Variants in GLIS3 observed in about 807,000 individuals in gnomAD.
The protein encoded by GLIS3 is GLIS family zinc finger 3.
GLIS3 carries 53 observed loss-of-function variants against 78.6 expected under a neutral mutation model. The observed-to-expected ratio is 0.67, with a 90% CI of 0.54 to 0.85. The LOEUF (loss-of-function observed/expected upper bound fraction) is 0.85. GLIS3 is among the 40% of genes least tolerant of loss of function. The pLI, the probability that GLIS3 is intolerant of heterozygous loss-of-function variation, is 0.00. For synonymous variants in GLIS3, 684 were observed against 509.9 expected (o/e 1.34, Z -4.60); for missense variants, 1,703 against 1,231.1 (o/e 1.38, Z -5.74).
In GLIS3 at chr9:3,937,254, C is replaced by CA. The variant is rs1554650589; in HGVS notation, c.1711-66_1711-65insT. ...TTGAATGTTTGAGTCTGGGGGACAG[C>CA]TAAAAAAAAAATGTTCTTAGTTGGT... On this transcript the variant is annotated intron_variant, in intron 4 of 10. Coordinates refer to ENST00000381971, the MANE Select transcript of GLIS3 (RefSeq NM_001042413.2). 3.1e-3 allele frequency: 4,298 copies of CA among 1,375,424 alleles called. 3 individuals are homozygous for CA. Among genetic ancestry groups the CA allele is most frequent in the African/African-American group, 0.012 (750 of 64,398 alleles). 85.2% of individuals were successfully genotyped at this position (1,375,424 alleles called of 1,614,324 possible).
chr9:4,072,897 C>T (rs1827728747), intron 4 of GLIS3, among the ~76,000 whole-genome samples: 1 of 152,038 alleles, frequency 6.6e-6, no homozygotes, highest in Non-Finnish European at 1.5e-5. Flanking sequence ...CGTACAGCCC[C>T]AAATCGAACT....
the GLIS3 span, among the ~76,000 whole-genome samples, chr9:4,403,866 C>A: frequency 2.6e-5 from 4 of 151,758 alleles, no homozygotes; most frequent in East Asian, 7.7e-4. Flanking sequence ...GGAGTAAGTC[C>A]CTACTTATCA....
intron 4 of GLIS3, among the ~76,000 whole-genome samples, chr9:4,029,024 G>C (rs550414892): frequency 6.6e-6 from 1 of 152,108 alleles, no homozygotes; most frequent in Admixed American, 6.6e-5. Context: ...CCAAGATGAT[G>C]ATGAAGAAGG....
chr9:4,370,381 T>TA, the GLIS3 span, among the ~76,000 whole-genome samples: 8 of 152,070 alleles, frequency 5.3e-5, no homozygotes, highest in Admixed American at 1.3e-4. Context: ...CATGGGGTGT[T>TA]GCCTTGTCTC....
the GLIS3 span, among the ~76,000 whole-genome samples, chr9:4,411,642 G>T: frequency 2.0e-5 from 3 of 152,018 alleles, no homozygotes; most frequent in African/African-American, 7.2e-5. Flanking sequence ...CCATATTTTT[G>T]ATTTATGGTG....
intron 2 of GLIS3, among the ~76,000 whole-genome samples, chr9:4,315,999 T>C (rs928073771): frequency 3.9e-5 from 6 of 152,226 alleles, no homozygotes; most frequent in Admixed American, 2.0e-4. Context: ...TTACATATTG[T>C]ATTTTTAAAA....
intron 4 of GLIS3, among the ~76,000 whole-genome samples, chr9:4,056,635 A>G (rs1433067970): frequency 6.6e-6 from 1 of 152,134 alleles, no homozygotes; most frequent in Non-Finnish European, 1.5e-5. Context: ...GAGGTGAGAG[A>G]CGGGATATGA....
chr9:4,176,163 T>A (rs919142762), intron 2 of GLIS3, among the ~76,000 whole-genome samples: 1 of 152,132 alleles, frequency 6.6e-6, no homozygotes, highest in Non-Finnish European at 1.5e-5. Context: ...AATCAAGATC[T>A]GGTGGCACTT....
At chr9:4,284,231 G>C (rs1827793803) in intron 2 of GLIS3, among the ~76,000 whole-genome samples, 1 of 152,172 alleles carries the variant, frequency 6.6e-6, no homozygotes, top group African/African-American at 2.4e-5. Flanking sequence ...GAATAACTGA[G>C]ACTACGTATT....
the GLIS3 span, among the ~76,000 whole-genome samples, chr9:4,424,388 C>A: frequency 6.6e-6 from 1 of 152,154 alleles, no homozygotes; most frequent in Non-Finnish European, 1.5e-5. Flanking sequence ...TGAATCTCTG[C>A]CTCTTTAATT....
the GLIS3 span, among the ~76,000 whole-genome samples, chr9:4,448,876 C>A: frequency 1.1e-4 from 16 of 152,196 alleles, no homozygotes; most frequent in Non-Finnish European, 1.5e-5. Context: ...ATAGGAATAG[C>A]TCCAGTCTGC....
chr9:3,867,938 G>C (rs1369393662), intron 8 of GLIS3, among the ~76,000 whole-genome samples: 1 of 152,282 alleles, frequency 6.6e-6, no homozygotes, highest in East Asian at 1.9e-4. Flanking sequence ...GGCCCAAAGA[G>C]AAAGAATGAT....
chr9:4,224,763 T>G (rs1225318785), intron 2 of GLIS3, among the ~76,000 whole-genome samples: 1 of 151,670 alleles, frequency 6.6e-6, no homozygotes, highest in Non-Finnish European at 1.5e-5. Context: ...TGCTTTTAAC[T>G]GTTTTTGGAA....
chr9:4,275,285 T>C (rs991439003), intron 2 of GLIS3, among the ~76,000 whole-genome samples: 5 of 152,202 alleles, frequency 3.3e-5, no homozygotes, highest in South Asian at 2.1e-4. Flanking sequence ...TAAGTGCCCA[T>C]TTCTTCAGCT....
At chr9:4,047,685 TGTC>T (rs1414781277) in intron 4 of GLIS3, among the ~76,000 whole-genome samples, 1 of 152,130 alleles carries the variant, frequency 6.6e-6, no homozygotes, top group African/African-American at 2.4e-5. Context: ...AATATAACGA[TGTC>T]AGTATGAAAA....
intron 2 of GLIS3, among the ~76,000 whole-genome samples, chr9:4,252,632 C>T (rs1420649689): frequency 6.6e-6 from 1 of 152,120 alleles, no homozygotes; most frequent in African/African-American, 2.4e-5. Flanking sequence ...ACTCATTCTC[C>T]ATCCAGTTTT....
intron 4 of GLIS3, among the ~76,000 whole-genome samples, chr9:3,962,875 G>A (rs1817663019): frequency 2.0e-5 from 3 of 150,464 alleles, no homozygotes; most frequent in Non-Finnish European, 4.4e-5. Context: ...TCCTGAATTG[G>A]CAGCCAAGAT....
chr9:4,173,360 T>C (rs1586876371), intron 2 of GLIS3, among the ~76,000 whole-genome samples: 1 of 152,124 alleles, frequency 6.6e-6, no homozygotes, highest in African/African-American at 2.4e-5. Context: ...TTCACCCTTA[T>C]TCTCATCCTC....
intron 4 of GLIS3, among the ~76,000 whole-genome samples, chr9:4,067,629 T>C (rs942209202): frequency 6.6e-6 from 1 of 152,192 alleles, no homozygotes; most frequent in Non-Finnish European, 1.5e-5. Context: ...GGCCACTTTA[T>C]GTATGAAACT....
Sources: gnomAD v4.1 joint callset for allele counts (sites outside exome capture counted in the v4.1 genomes callset) on GRCh38, gnomAD v4.1.1 for gene constraint, MANE v1.5 for transcripts, NCBI Gene and HGNC (gene_info 2026-07-23, HGNC 2026-07-21) for gene names.